The following RAB9B variants were observed in gnomAD, a reference collection of about 807,000 sequenced individuals.
RAB9B encodes the protein RAB9B, member RAS oncogene family.
A neutral mutation model predicts 8.9 loss-of-function variants in RAB9B; 1 was observed. The observed-to-expected ratio is 0.11, with a 90% CI of 0.04 to 0.53. The LOEUF is 0.53. Ranked by LOEUF, RAB9B falls within the 20% of genes least tolerant of loss-of-function variation. RAB9B has a pLI of 0.93. For synonymous variants in RAB9B, 63 were observed against 57.0 expected (o/e 1.10, Z -0.47); for missense variants, 82 against 152.9 (o/e 0.54, Z 2.45).
Position 103,825,475 on chromosome X carries a change from C to T in RAB9B, c.310G>A (p.Glu104Lys), listed in dbSNP as rs990471942. ...SFENLGNWQK[E>K]FIYYADVKDP... ...TTCACATCCGCATAGTAAATAAATT[C>T]TTTCTGCCAGTTACCAAGATTCTCG... The change falls in exon 3 of 3, where the codon GAA (glutamate) becomes AAA (lysine). Residue 104 changes from glutamate to lysine, a missense_variant. Transcript: ENST00000243298. 1 of 1,209,724 alleles carries T rather than the reference C, an allele frequency of 8.3e-7. No individual in the cohort carries two copies. Among genetic ancestry groups the T allele is most frequent in the Non-Finnish European group, 1.1e-6 (1 of 895,219 alleles).
At chrX:103,790,498 A>G in the RAB9B span, 1 of 1,115,742 alleles carries the variant, frequency 9.0e-7, no homozygotes, top group African/African-American at 1.8e-5. Context: ...TTCTACTCTC[A>G]TTCACATTCT....
chrX:103,817,347 G>A (rs887983797), downstream of RAB9B, among the ~76,000 whole-genome samples: 3 of 110,858 alleles, frequency 2.7e-5, no homozygotes, highest in Admixed American at 2.9e-4. Context: ...ACCAAACGCC[G>A]CATGTTCTTA....
At chrX:103,805,739 T>G in the RAB9B span, among the ~76,000 whole-genome samples, 1 of 105,720 alleles carries the variant, frequency 9.5e-6, no homozygotes, top group South Asian at 4.0e-4. Flanking sequence ...TTACTAGGTT[T>G]TTTTAAAAAT....
the RAB9B span, among the ~76,000 whole-genome samples, chrX:103,811,404 C>T: frequency 8.9e-6 from 1 of 111,754 alleles, no homozygotes; most frequent in African/African-American, 3.3e-5. Flanking sequence ...ATAAAATAGA[C>T]CTAATAATAA....
the RAB9B span, chrX:103,781,121 C>A: frequency 1.3e-5 from 3 of 229,246 alleles, no homozygotes; most frequent in Non-Finnish European, 2.5e-5. Context: ...CCATTCCTTT[C>A]GATGAAAGCC....
At chrX:103,777,056 G>T in the RAB9B span, 6 of 1,079,437 alleles carry the variant, frequency 5.6e-6, no homozygotes, top group Non-Finnish European at 6.4e-6. Flanking sequence ...ATTCACAAGA[G>T]AATTTCCAAC....
chrX:103,801,613 A>G, the RAB9B span, among the ~76,000 whole-genome samples: 1 of 112,102 alleles, frequency 8.9e-6, no homozygotes. Context: ...GCCTCATAAC[A>G]GTCCAGAGAT....
downstream of RAB9B, among the ~76,000 whole-genome samples, chrX:103,818,152 C>T (rs2074646939): frequency 9.0e-6 from 1 of 111,080 alleles, no homozygotes; most frequent in African/African-American, 3.3e-5. Context: ...TGAATGTTCC[C>T]CAACCCCCAT....
chrX:103,808,425 A>T, the RAB9B span, among the ~76,000 whole-genome samples: 3 of 112,111 alleles, frequency 2.7e-5, no homozygotes, highest in Non-Finnish European at 5.6e-5. Context: ...TGAGCCGTAA[A>T]CTGTCAGGTC....
At position 103,825,028 on chromosome X, in the gene RAB9B, TCTA is replaced by T; in HGVS notation, c.*148_*150del. ...TTAATTTTTAATTTTTTTAAATCAATCTACACTTCAATTTGAAAGGCTCTGTTT... is the reference window on the plus strand; with the variant it reads ...TTAATTTTTAATTTTTTTAAATCAATCACTTCAATTTGAAAGGCTCTGTTT... On this transcript the variant is annotated 3_prime_UTR_variant, in exon 3 of 3. Transcript: ENST00000243298. 1.6e-6 allele frequency: 1 copy of T among 610,983 alleles called. No individual in the cohort carries two copies. 50.4% of individuals were successfully genotyped at this position (610,983 alleles called of 1,213,427 possible).
the RAB9B span, among the ~76,000 whole-genome samples, chrX:103,802,730 C>T: frequency 9.0e-6 from 1 of 111,598 alleles, no homozygotes; most frequent in Admixed American, 9.5e-5. Context: ...ATAGTATGCT[C>T]ACAGAGTTGT....
the RAB9B span, among the ~76,000 whole-genome samples, chrX:103,800,556 G>A: frequency 1.8e-5 from 2 of 111,540 alleles, no homozygotes; most frequent in Admixed American, 9.6e-5. Flanking sequence ...TCAGAAAACC[G>A]TAAAACACTG....
chrX:103,823,635 TCAAC>T lies in RAB9B; in HGVS notation c.*1540_*1543del, dbSNP rs746796942. The T allele has an allele frequency of 2.7e-4, 30 of 112,143 alleles. No homozygotes were observed. Among genetic ancestry groups the T allele is most frequent in the African/African-American group, 8.1e-4 (25 of 30,862 alleles). 9.2% of individuals were successfully genotyped at this position (112,143 alleles called of 1,213,427 possible). On this transcript the variant is annotated 3_prime_UTR_variant, in exon 3 of 3. Transcript: ENST00000243298. Reference sequence around the variant, plus strand: ...TTAAAATCTATGCAGGGTAAACAGATCAACCAACAAGAACCACACTGCATATTCA... The same window carrying T: ...TTAAAATCTATGCAGGGTAAACAGATCAACAAGAACCACACTGCATATTCA...
the RAB9B span, among the ~76,000 whole-genome samples, chrX:103,807,996 C>T: frequency 1.8e-5 from 2 of 111,951 alleles, no homozygotes; most frequent in Admixed American, 9.5e-5. Flanking sequence ...CCTATTGTAC[C>T]TTGAGTGACT....
At position 103,823,259 on chromosome X, in the gene RAB9B, G is replaced by C. The variant is rs763805598; in HGVS notation, c.*1920C>G. 1.3e-4 allele frequency: 15 copies of C among 111,903 alleles called. No individual in the cohort carries two copies. The highest frequency in any genetic ancestry group is 2.3e-4 in the Non-Finnish European group (12 of 53,197). 9.2% of individuals were successfully genotyped at this position (111,903 alleles called of 1,213,427 possible). ...TGGAAACCAGTGTGGCTGGCTATAG[G>C]CATAGGCAGGATAGGGACCAGTACT... On this transcript the variant is annotated 3_prime_UTR_variant, in exon 3 of 3. Coordinates refer to ENST00000243298, the MANE Select transcript of RAB9B (RefSeq NM_016370.4).
At chrX:103,781,015 T>C in the RAB9B span, 3 of 156,596 alleles carry the variant, frequency 1.9e-5, no homozygotes, top group Admixed American at 1.4e-4. Flanking sequence ...GCCTGTTGTT[T>C]AGCTCTATTG....
the RAB9B span, among the ~76,000 whole-genome samples, chrX:103,811,162 T>A: frequency 2.7e-5 from 3 of 111,950 alleles, no homozygotes; most frequent in Non-Finnish European, 5.6e-5. Context: ...TGAGGTATTC[T>A]AGCATTGACT....
the RAB9B span, among the ~76,000 whole-genome samples, chrX:103,784,200 T>C: frequency 1.8e-5 from 2 of 111,723 alleles, no homozygotes; most frequent in Non-Finnish European, 3.8e-5. Flanking sequence ...TCAGCAACAC[T>C]GGCATAGGGC....
At chrX:103,830,794 G>A (rs759340017) in intron 1 of RAB9B, among the ~76,000 whole-genome samples, 8 of 111,573 alleles carry the variant, frequency 7.2e-5, no homozygotes, top group South Asian at 3.8e-4. Context: ...TGGAGGTGGG[G>A]GAGGAGGCAG....
Sources: gnomAD v4.1 joint callset for allele counts (sites outside exome capture counted in the v4.1 genomes callset) on GRCh38, gnomAD v4.1.1 for gene constraint, MANE v1.5 for transcripts, NCBI Gene and HGNC (gene_info 2026-07-23, HGNC 2026-07-21) for gene names.